ABI3: variants seen among roughly 807,000 people sequenced by gnomAD.
ABI3 encodes ABI gene family member 3.
A neutral mutation model predicts 37.0 loss-of-function variants in ABI3; 24 were observed. The ratio of observed to expected loss-of-function variants is 0.65; its 90% CI spans 0.47 to 0.91. ABI3 has a LOEUF of 0.91. Ranked by LOEUF, ABI3 falls within the 40% of genes least tolerant of loss-of-function variation. The probability of loss-of-function intolerance (pLI) is 0.00; values close to 1 mark genes in which losing one functional copy is unlikely to be tolerated. For missense variants in ABI3, 481 were observed against 485.1 expected, an observed-to-expected ratio of 0.99 and a Z score of 0.08; for synonymous variants, 220 against 211.8, an observed-to-expected ratio of 1.04 and a Z score of -0.34.
At chr17:49,212,627 G>A (rs1270856156) in intron 1 of ABI3, among the ~76,000 whole-genome samples, 2 of 152,160 alleles carry the variant, frequency 1.3e-5, no homozygotes, top group Admixed American at 6.5e-5. Flanking sequence ...TCTGAAGTCC[G>A]GTGAGGCGAG....
At chr17:49,212,040 C>T (rs904546508) in intron 1 of ABI3, among the ~76,000 whole-genome samples, 54 of 151,740 alleles carry the variant, frequency 3.6e-4, no homozygotes, top group African/African-American at 1.2e-3. Context: ...AAGCCTTGAA[C>T]TCCTAGGTTC....
In ABI3 at chr17:49,220,344, C is replaced by T. The variant is rs756926423; in HGVS notation, c.802+18C>T. 6.4e-7 allele frequency: 1 copy of T among 1,559,836 alleles called. No individual in the cohort carries two copies. Among genetic ancestry groups the T allele is most frequent in the Non-Finnish European group, 8.7e-7 (1 of 1,151,388 alleles). On this transcript the variant is annotated intron_variant, in intron 6 of 7. Transcript: ENST00000225941. ...CCCACCGGGTAAGGAGGTCCACCCT[C>T]TTCTTCCCAACCGTGGGGTCGCTTT...
chr17:49,221,721 CTTTT>C (rs1293111002), intron 6 of ABI3, among the ~76,000 whole-genome samples: 1 of 152,052 alleles, frequency 6.6e-6, no homozygotes, highest in Non-Finnish European at 1.5e-5. Flanking sequence ...TGGGTGCATT[CTTTT>C]TTTCTTTTGA....
At chr17:49,220,938 C>G (rs768163185) in intron 6 of ABI3, among the ~76,000 whole-genome samples, 3 of 151,588 alleles carry the variant, frequency 2.0e-5, no homozygotes, top group Admixed American at 6.6e-5. Flanking sequence ...GCCGTAATCC[C>G]GGCACTTTGG....
chr17:49,218,661 T>C (rs1429600331), intron 3 of ABI3, among the ~76,000 whole-genome samples: 1 of 151,750 alleles, frequency 6.6e-6, no homozygotes, highest in East Asian at 1.9e-4. Context: ...TGGAGTGCAA[T>C]GGCACGATCT....
intron 2 of ABI3, among the ~76,000 whole-genome samples, 177 bp downstream of exon 2, chr17:49,216,875 C>T (rs558056098): frequency 6.6e-6 from 1 of 152,326 alleles, no homozygotes; most frequent in Admixed American, 6.5e-5. Context: ...TCTGTGGCTA[C>T]GCTACAAATT....
intron 1 of ABI3, among the ~76,000 whole-genome samples, chr17:49,211,674 C>T (rs371944237): frequency 3.3e-5 from 5 of 151,878 alleles, no homozygotes; most frequent in South Asian, 2.1e-4. Context: ...CCTTTTTTTT[C>T]GCTCTTGTTG....
In ABI3 at chr17:49,222,133, C is replaced by G. The variant is rs749546312; in HGVS notation, c.845C>G (p.Pro282Arg). ...PLPLDLPPPPPLDGDELGLPP... is the reference protein window; with the variant it reads ...PLPLDLPPPPRLDGDELGLPP... ...CCACTGGACCTGCCTCCTCCTCCACCCCTGGATGGAGATGAATTGGGGCTG... is the reference window on the plus strand; with the variant it reads ...CCACTGGACCTGCCTCCTCCTCCACGCCTGGATGGAGATGAATTGGGGCTG... The change falls in exon 7 of 8, where the codon CCC becomes CGC. Residue 282 changes from proline (P) to arginine (R), a missense_variant. Physicochemically the swap from Pro to Arg is moderately radical, Grantham distance 103. Coordinates refer to ENST00000225941, the MANE Select transcript of ABI3 (RefSeq NM_016428.3). 1.9e-6 allele frequency: 3 copies of G among 1,613,606 alleles called. No homozygotes were observed. The South Asian group carries it at 3.3e-5, about 18-fold the overall frequency.
At chr17:49,217,095 A>G (rs140877476) in intron 2 of ABI3, among the ~76,000 whole-genome samples, 1 of 152,160 alleles carries the variant, frequency 6.6e-6, no homozygotes, top group African/African-American at 2.4e-5. Context: ...ACCACTATAC[A>G]GTATACACCC....
intron 3 of ABI3, among the ~76,000 whole-genome samples, chr17:49,218,950 C>G (rs1283757008): frequency 6.6e-6 from 1 of 151,986 alleles, no homozygotes; most frequent in Non-Finnish European, 1.5e-5. Flanking sequence ...GCTCAAATCT[C>G]TTTTGTCTTG....
At chr17:49,222,488 T>TG (rs2043302147) in intron 7 of ABI3, 64 bp from the exon 8 acceptor site, 15 of 1,569,576 alleles carry the variant, frequency 9.6e-6, no homozygotes, top group Middle Eastern at 1.9e-4. Context: ...CCCATGGTGG[T>TG]GGGGGGTGAG....
At chr17:49,216,780 G>A (rs2043223424) in intron 2 of ABI3, 82 bp downstream of exon 2, 1 of 1,324,562 alleles carries the variant, frequency 7.5e-7, no homozygotes, top group East Asian at 3.1e-5. Context: ...TACATCAAAA[G>A]TTCCTTCCTG....
chr17:49,220,404 G>A (rs1182888905), intron 6 of ABI3, 78 bp downstream of exon 6: 3 of 1,497,744 alleles, frequency 2.0e-6, no homozygotes, highest in Non-Finnish European at 2.7e-6. Context: ...CACCTCTCTT[G>A]GATCTGCCCC....
In ABI3 at chr17:49,216,663, C is replaced by T. The variant is rs770714352; in HGVS notation, c.250C>T (p.Arg84Trp). ...GTTGGACCTGCAGGGGGCCGCCCTG[C>T]GGCAGGTGGAAGCCCGTGTAAGCAC... ...RMLDLQGAALRQVEARVSTLG... is the reference protein window; with the variant it reads ...RMLDLQGAALWQVEARVSTLG... The change falls in exon 2 of 8, where the codon CGG becomes TGG. Residue 84 changes from arginine (R) to tryptophan (W), a missense_variant. Transcript: ENST00000225941. 1.9e-5 allele frequency: 30 copies of T among 1,602,720 alleles called. No individual in the cohort carries two copies. The highest frequency in any genetic ancestry group is 8.6e-5 in the Admixed American group (5 of 58,008).
intron 6 of ABI3, among the ~76,000 whole-genome samples, chr17:49,221,454 CA>C (rs2143543343): frequency 1.3e-5 from 2 of 152,084 alleles, no homozygotes; most frequent in South Asian, 4.2e-4. Context: ...CTGGGCGACA[CA>C]GCGAGACTCG....
intron 1 of ABI3, among the ~76,000 whole-genome samples, chr17:49,215,678 A>G (rs1233004837): frequency 6.6e-6 from 1 of 151,914 alleles, no homozygotes; most frequent in Non-Finnish European, 1.5e-5. Context: ...TTGTATTTTT[A>G]GTAGAGACGA....
At chr17:49,213,835 C>T (rs1216491973) in intron 1 of ABI3, among the ~76,000 whole-genome samples, 1 of 152,214 alleles carries the variant, frequency 6.6e-6, no homozygotes, top group African/African-American at 2.4e-5. Context: ...GATGAAGGAG[C>T]AGTCACTGCT....
Position 49,210,761 on chromosome 17 carries a change from C to A in ABI3, c.37C>A (p.Pro13Thr). ...ELQQLQEFEI[P>T]TGREALRGNH... ...ACAGCAGCTGCAGGAGTTTGAGATC[C>A]CCACTGGCCGGGAGGCTCTGAGGGG... The change falls in exon 1 of 8, where the codon CCC (proline) becomes ACC (threonine). Residue 13 changes from proline to threonine, a missense_variant. By Grantham distance (38) the Pro-to-Thr change is conservative (BLOSUM62 -1). Transcript: ENST00000225941. This position sits in a 1 kb window ranked among gnomAD's most constrained non-coding sequence, Gnocchi z 4.2. 1 of 1,555,984 alleles carries A rather than the reference C, an allele frequency of 6.4e-7. No homozygotes were observed. The highest frequency in any genetic ancestry group is 8.7e-7 in the Non-Finnish European group (1 of 1,149,586).
In ABI3 at chr17:49,222,764, T is replaced by C; in HGVS notation, c.*49T>C. ...TGATGTCTGCACTGAGTGGGTTTCA[T>C]GAGCCCCAAGCCAAAACCAGCTCCA... is the stretch of plus-strand genomic sequence containing the variant. On this transcript the variant is annotated 3_prime_UTR_variant, in exon 8 of 8. Transcript: ENST00000225941. The C allele has an allele frequency of 6.6e-7, 1 of 1,521,634 alleles. No homozygotes were observed. 94.3% of individuals were successfully genotyped at this position (1,521,634 alleles called of 1,614,324 possible).
Sources: gnomAD v4.1 joint callset for allele counts (sites outside exome capture counted in the v4.1 genomes callset) on GRCh38, gnomAD v4.1.1 for gene constraint, Gnocchi (gnomAD v3.1) non-coding constraint, MANE v1.5 for transcripts, NCBI Gene and HGNC (gene_info 2026-07-23, HGNC 2026-07-21) for gene names.